Variants in GPC6 observed in about 807,000 individuals in gnomAD.
The protein encoded by GPC6 is glypican-6.
In GPC6, 14 loss-of-function variants were observed where a neutral mutation model predicts 55.2. That is an observed-to-expected ratio of 0.25 (90% CI 0.17 to 0.40). The LOEUF (loss-of-function observed/expected upper bound fraction) is 0.40, where lower values mean the gene tolerates loss of function less well. GPC6 is among the 10% of genes least tolerant of loss of function. GPC6 has a pLI of 1.00. For synonymous variants in GPC6, 278 were observed against 259.6 expected (o/e 1.07, Z -0.68); for missense variants, 641 against 708.5 (o/e 0.90, Z 1.08).
At chr13:94,020,078 C>CT (rs111869002) in intron 3 of GPC6, among the ~76,000 whole-genome samples, 2,462 of 151,928 alleles carry the variant, frequency 0.016, 56 homozygotes, top group South Asian at 0.068. Context: ...TAGTTTTTTC[C>CT]TTTTTTTCTA....
At chr13:93,747,922 G>C (rs1884455036) in intron 2 of GPC6, among the ~76,000 whole-genome samples, 1 of 152,158 alleles carries the variant, frequency 6.6e-6, no homozygotes, top group African/African-American at 2.4e-5. Flanking sequence ...CCTTTCAGGG[G>C]AGGGTCTTAT....
chr13:93,929,635 T>C (rs952374006), intron 3 of GPC6, among the ~76,000 whole-genome samples: 37 of 152,150 alleles, frequency 2.4e-4, no homozygotes, highest in Non-Finnish European at 4.6e-4. Flanking sequence ...GAATTAGACC[T>C]TCTTGCCCTG....
intron 1 of GPC6, among the ~76,000 whole-genome samples, chr13:93,511,454 T>TA (rs1880969760): frequency 6.6e-6 from 1 of 151,236 alleles, no homozygotes; most frequent in Non-Finnish European, 1.5e-5. Flanking sequence ...CAATATAAAT[T>TA]TTTTTGGCTT....
intron 2 of GPC6, among the ~76,000 whole-genome samples, chr13:93,582,104 G>T (rs1333267268): frequency 6.6e-6 from 1 of 152,152 alleles, no homozygotes; most frequent in Non-Finnish European, 1.5e-5. Context: ...TTTTGAAGGG[G>T]AATAAATAAT....
intron 1 of GPC6, among the ~76,000 whole-genome samples, chr13:93,432,690 A>T (rs1877407096): frequency 6.6e-6 from 1 of 152,212 alleles, no homozygotes; most frequent in Non-Finnish European, 1.5e-5. Context: ...AGTAAAAACA[A>T]AGCACAGTTT....
intron 4 of GPC6, among the ~76,000 whole-genome samples, chr13:94,179,190 G>A (rs955898067): frequency 3.3e-5 from 5 of 152,172 alleles, no homozygotes; most frequent in Non-Finnish European, 5.9e-5. Flanking sequence ...TTCTTGAAGT[G>A]AGAAGTAGGT....
At chr13:93,294,217 T>C (rs1258283861) in intron 1 of GPC6, among the ~76,000 whole-genome samples, 1 of 152,210 alleles carries the variant, frequency 6.6e-6, no homozygotes, top group African/African-American at 2.4e-5. Flanking sequence ...ATATATACAA[T>C]TTAGTTTTGA....
rs1199884245 is a variant in GPC6, at chr13:94,074,984, C to A, written c.877+47090C>A. On this transcript the variant is annotated intron_variant, in intron 4 of 8. Transcript: ENST00000377047. Reference sequence around the variant, plus strand: ...ACTGGGCAACAAATAAAGTGGCTGGCCTATCAGATGTTTTTACTCCTAGAC... The same window carrying A: ...ACTGGGCAACAAATAAAGTGGCTGGACTATCAGATGTTTTTACTCCTAGAC... 3.9e-5 allele frequency among the ~76,000 whole-genome samples: 6 copies of A among 152,136 alleles called. No individual in the cohort carries two copies. In the East Asian group the frequency reaches 1.2e-3, roughly 29 times the overall value.
chr13:94,271,998 T>G (rs1435681073), intron 4 of GPC6, among the ~76,000 whole-genome samples: 1 of 152,210 alleles, frequency 6.6e-6, no homozygotes, highest in Non-Finnish European at 1.5e-5. Flanking sequence ...TGACCCATGA[T>G]TACAGGGTCA....
intron 3 of GPC6, among the ~76,000 whole-genome samples, chr13:93,913,128 C>T (rs756562596): frequency 2.0e-5 from 3 of 152,148 alleles, no homozygotes; most frequent in Non-Finnish European, 2.9e-5. Context: ...GGTTAGGACT[C>T]GGACATATCA....
At chr13:94,075,946 C>G (rs1220165246) in intron 4 of GPC6, among the ~76,000 whole-genome samples, 4 of 151,950 alleles carry the variant, frequency 2.6e-5, no homozygotes, top group Non-Finnish European at 5.9e-5. Flanking sequence ...TCTTTGCAAT[C>G]TTGTTTTATC....
intron 6 of GPC6, among the ~76,000 whole-genome samples, chr13:94,374,066 G>A (rs574732343): frequency 5.9e-5 from 9 of 151,928 alleles, no homozygotes; most frequent in East Asian, 5.8e-4. Context: ...TGAAGGAAGC[G>A]CTAAACATGG....
intron 5 of GPC6, among the ~76,000 whole-genome samples, chr13:94,301,843 ACT>A (rs1176027801): frequency 6.6e-6 from 1 of 152,160 alleles, no homozygotes; most frequent in East Asian, 1.9e-4. Context: ...TGATCTACTG[ACT>A]CTCATTGAAC....
chr13:93,523,582 G>A (rs1232373614), intron 1 of GPC6, among the ~76,000 whole-genome samples: 1 of 151,726 alleles, frequency 6.6e-6, no homozygotes, highest in Non-Finnish European at 1.5e-5. Context: ...GCTGCAATAT[G>A]TCATCTTCCT....
chr13:94,003,623 TA>T (rs1198750987), intron 3 of GPC6, among the ~76,000 whole-genome samples: 1 of 152,244 alleles, frequency 6.6e-6, no homozygotes, highest in Non-Finnish European at 1.5e-5. Flanking sequence ...TCTACCATCA[TA>T]CAGCCTACTA....
intron 2 of GPC6, among the ~76,000 whole-genome samples, chr13:93,700,474 AC>A (rs1002787090): frequency 2.6e-5 from 4 of 152,208 alleles, no homozygotes; most frequent in African/African-American, 9.6e-5. Context: ...ATCCAGCAAG[AC>A]TTACAGAAAT....
At chr13:93,853,918 G>T (rs1888509317) in intron 3 of GPC6, among the ~76,000 whole-genome samples, 1 of 151,610 alleles carries the variant, frequency 6.6e-6, no homozygotes, top group Non-Finnish European at 1.5e-5. Flanking sequence ...TGTTCACAGG[G>T]ACAAGATAAA....
intron 2 of GPC6, among the ~76,000 whole-genome samples, chr13:93,707,231 C>T (rs949553853): frequency 8.6e-5 from 13 of 151,608 alleles, no homozygotes; most frequent in African/African-American, 2.9e-4. Flanking sequence ...CACTGGGGCT[C>T]TTTGGAGGGT....
rs556377703 is a variant in GPC6, at chr13:94,183,056, G to A, written c.878-103293G>A. On this transcript the variant is annotated intron_variant, in intron 4 of 8. Transcript: ENST00000377047. ...GCTTCCCAAAGTACTGAGATTATAG[G>A]CGTGAGCCACTGCACCCAGCCTTCA... Among the ~76,000 whole-genome samples, 32 of 152,272 alleles carry A rather than the reference G, an allele frequency of 2.1e-4. 1 individual carries two copies. Among genetic ancestry groups the A allele is most frequent in the African/African-American group, 7.5e-4 (31 of 41,552 alleles).
Sources: gnomAD v4.1 joint callset for allele counts (sites outside exome capture counted in the v4.1 genomes callset) on GRCh38, gnomAD v4.1.1 for gene constraint, MANE v1.5 for transcripts, NCBI Gene and HGNC (gene_info 2026-07-23, HGNC 2026-07-21) for gene names.